The following FSTL5 variants were observed in gnomAD, a reference collection of about 807,000 sequenced individuals.
The protein encoded by FSTL5 is follistatin like 5.
Under a neutral mutation model 89.1 loss-of-function variants are expected in FSTL5, and 62 were observed. The observed-to-expected ratio is 0.70, with a 90% CI of 0.57 to 0.86. The LOEUF (loss-of-function observed/expected upper bound fraction) is 0.86. FSTL5 is among the 40% of genes least tolerant of loss of function. The pLI, the probability that FSTL5 is intolerant of heterozygous loss-of-function variation, is 0.00. For synonymous variants in FSTL5, 383 were observed against 346.2 expected (o/e 1.11, Z -1.18); for missense variants, 1,057 against 1,001.6 (o/e 1.06, Z -0.75).
intron 3 of FSTL5, among the ~76,000 whole-genome samples, chr4:161,960,640 T>C (rs1194720492): frequency 6.6e-6 from 1 of 152,092 alleles, no homozygotes; most frequent in Non-Finnish European, 1.5e-5. Flanking sequence ...AAATTTGATA[T>C]ATTTCATTAT....
chr4:162,096,582 T>C (rs1334462208), intron 2 of FSTL5, among the ~76,000 whole-genome samples: 2 of 151,838 alleles, frequency 1.3e-5, no homozygotes, highest in Non-Finnish European at 3.0e-5. Context: ...AGAAATCTGG[T>C]GCAGTGACTC....
chr4:161,666,674 A>C (rs1444134499), intron 6 of FSTL5, among the ~76,000 whole-genome samples: 1 of 152,118 alleles, frequency 6.6e-6, no homozygotes, highest in Non-Finnish European at 1.5e-5. Context: ...GAAGACCCCT[A>C]TATGGGGAGA....
At chr4:162,093,756 C>A (rs1364415761) in intron 2 of FSTL5, among the ~76,000 whole-genome samples, 1 of 152,098 alleles carries the variant, frequency 6.6e-6, no homozygotes, top group Non-Finnish European at 1.5e-5. Flanking sequence ...ATTTGTTTAT[C>A]ATTTTGGGCA....
chr4:161,797,492 T>G (rs899901238), intron 4 of FSTL5, among the ~76,000 whole-genome samples: 7 of 151,636 alleles, frequency 4.6e-5, no homozygotes, highest in Non-Finnish European at 8.9e-5. Flanking sequence ...ACATTACTCT[T>G]TACTACACTT....
At chr4:161,448,075 T>C (rs982832352) in intron 15 of FSTL5, among the ~76,000 whole-genome samples, 3 of 152,068 alleles carry the variant, frequency 2.0e-5, no homozygotes, top group Admixed American at 1.3e-4. Context: ...CTTATGCGTA[T>C]TTCAATATTC....
intron 8 of FSTL5, among the ~76,000 whole-genome samples, chr4:161,544,269 GA>G (rs59801093): frequency 0.15 from 23,082 of 151,984 alleles, 2,406 homozygotes; most frequent in East Asian, 0.39. Flanking sequence ...AGTATGTGGA[GA>G]AACTGGAACT....
chr4:162,082,269 G>A (rs1730130969), intron 2 of FSTL5, among the ~76,000 whole-genome samples: 1 of 151,570 alleles, frequency 6.6e-6, no homozygotes, highest in African/African-American at 2.4e-5. Context: ...TACTCATTGA[G>A]TCTAAATTTT....
intron 7 of FSTL5, among the ~76,000 whole-genome samples, chr4:161,623,258 G>A (rs963046809): frequency 2.0e-5 from 3 of 151,802 alleles, no homozygotes; most frequent in Non-Finnish European, 2.9e-5. Flanking sequence ...ATTTTGTACT[G>A]GATTTTCCAG....
At chr4:162,057,569 G>T (rs1440048808) in intron 2 of FSTL5, among the ~76,000 whole-genome samples, 1 of 152,068 alleles carries the variant, frequency 6.6e-6, no homozygotes, top group Non-Finnish European at 1.5e-5. Context: ...ATGCACCTGT[G>T]AATTTATTAA....
At chr4:161,964,461 G>A (rs1374130928) in intron 3 of FSTL5, among the ~76,000 whole-genome samples, 2 of 152,040 alleles carry the variant, frequency 1.3e-5, no homozygotes, top group African/African-American at 2.4e-5. Context: ...GCTACATTAT[G>A]TTGAAGAATA....
intron 13 of FSTL5, among the ~76,000 whole-genome samples, chr4:161,465,306 T>C (rs957269893): frequency 5.9e-5 from 9 of 152,282 alleles, no homozygotes; most frequent in African/African-American, 2.2e-4. Context: ...GTGCACATTT[T>C]TTGTTTATGC....
intron 4 of FSTL5, among the ~76,000 whole-genome samples, chr4:161,819,116 TAATAA>T (rs1415654437): frequency 1.3e-5 from 2 of 152,286 alleles, no homozygotes; most frequent in South Asian, 2.1e-4. Flanking sequence ...TTGCTTAATG[TAATAA>T]AATATACTAT....
chr4:161,513,282 A>G (rs971986449), intron 10 of FSTL5, among the ~76,000 whole-genome samples: 2 of 74,766 alleles, frequency 2.7e-5, no homozygotes, highest in Non-Finnish European at 8.0e-5. Context: ...GGAGAGAGAG[A>G]GAGAGAGAGA....
intron 7 of FSTL5, among the ~76,000 whole-genome samples, chr4:161,636,446 G>GTTTTTT (rs796867744): frequency 3.6e-5 from 4 of 109,756 alleles, no homozygotes; most frequent in Admixed American, 9.6e-5. Flanking sequence ...TCTGGCAGTT[G>GTTTTTT]TTTTTTTTTT....
chr4:161,562,403 C>CA (rs1206654433), intron 8 of FSTL5, among the ~76,000 whole-genome samples: 2 of 151,872 alleles, frequency 1.3e-5, no homozygotes, highest in Non-Finnish European at 2.9e-5. Flanking sequence ...ATCTGCCCAT[C>CA]AATTTGGGGA....
At chr4:161,936,126 G>A (rs979056841) in intron 3 of FSTL5, among the ~76,000 whole-genome samples, 17 of 152,164 alleles carry the variant, frequency 1.1e-4, no homozygotes, top group Non-Finnish European at 2.1e-4. Flanking sequence ...ATTGCATTCA[G>A]CTGAGATCAA....
At chr4:161,563,870 T>C (rs1024981811) in intron 8 of FSTL5, among the ~76,000 whole-genome samples, 4 of 151,984 alleles carry the variant, frequency 2.6e-5, no homozygotes, top group Admixed American at 2.6e-4. Context: ...GAAAGTTTTC[T>C]AAGTAGTAGC....
chr4:161,937,362 AT>A (rs1734461282), intron 3 of FSTL5, among the ~76,000 whole-genome samples: 1 of 152,148 alleles, frequency 6.6e-6, no homozygotes, highest in Non-Finnish European at 1.5e-5. Context: ...GTAGGACATA[AT>A]TAATAAAATT....
In FSTL5 at chr4:161,522,060, C is replaced by A. The variant is rs200213802; in HGVS notation, c.1313-11636G>T. Among the ~76,000 whole-genome samples the A allele has an allele frequency of 2.0e-5, 3 of 152,074 alleles. No individual in the cohort carries two copies. In the East Asian group the frequency reaches 5.8e-4, roughly 29 times the overall value. ...CCCTAGTCCTACATTCCCTCTCTCT[C>A]CCCTTCGTTTCAGTCCCCACCCCCA... On this transcript the variant is annotated intron_variant, in intron 10 of 15. Coordinates refer to ENST00000306100, the MANE Select transcript of FSTL5 (RefSeq NM_020116.5).
Sources: gnomAD v4.1 joint callset for allele counts (sites outside exome capture counted in the v4.1 genomes callset) on GRCh38, gnomAD v4.1.1 for gene constraint, MANE v1.5 for transcripts, NCBI Gene and HGNC (gene_info 2026-07-23, HGNC 2026-07-21) for gene names.